The following GRIN2A variants were observed in gnomAD, a reference collection of about 807,000 sequenced individuals.
The protein encoded by GRIN2A is glutamate ionotropic receptor NMDA type subunit 2A.
A neutral mutation model predicts 113.4 loss-of-function variants in GRIN2A; 22 were observed. The observed-to-expected ratio is 0.19, with a 90% CI of 0.14 to 0.28. The LOEUF (loss-of-function observed/expected upper bound fraction) is 0.28. GRIN2A is among the 10% of genes least tolerant of loss of function. The pLI is 1.00. For synonymous variants in GRIN2A, 827 were observed against 738.4 expected, an observed-to-expected ratio of 1.12 and a Z score of -1.94; for missense variants, 1,502 against 1,887.0, an observed-to-expected ratio of 0.80 and a Z score of 3.78.
intron 11 of GRIN2A, among the ~76,000 whole-genome samples, chr16:9,792,774 A>G (rs1902695456): frequency 1.3e-5 from 2 of 152,206 alleles, no homozygotes. Flanking sequence ...TACAAAGAAG[A>G]AGATTAAACG....
At chr16:10,031,161 T>A (rs545898291) in intron 2 of GRIN2A, among the ~76,000 whole-genome samples, 3 of 152,138 alleles carry the variant, frequency 2.0e-5, no homozygotes, top group Non-Finnish European at 4.4e-5. Context: ...CTAAATAAAA[T>A]ACGTAAATCC....
intron 3 of GRIN2A, among the ~76,000 whole-genome samples, chr16:9,929,652 T>G (rs962851401): frequency 3.3e-5 from 5 of 152,116 alleles, no homozygotes; most frequent in African/African-American, 9.7e-5. Context: ...ATCAGAGTAA[T>G]AGAGATGGGG....
At chr16:9,805,106 C>A (rs2041940733) in intron 10 of GRIN2A, among the ~76,000 whole-genome samples, 2 of 152,062 alleles carry the variant, frequency 1.3e-5, no homozygotes, top group African/African-American at 4.8e-5. Context: ...CCAATCCTAG[C>A]CCCAAGACTG....
At chr16:10,017,575 A>G (rs1698992214) in intron 2 of GRIN2A, among the ~76,000 whole-genome samples, 1 of 152,162 alleles carries the variant, frequency 6.6e-6, no homozygotes, top group African/African-American at 2.4e-5. Context: ...AACAGTTCCC[A>G]GCTATTGTGA....
intron 2 of GRIN2A, among the ~76,000 whole-genome samples, chr16:10,069,413 G>C (rs1422583100): frequency 6.6e-6 from 1 of 152,206 alleles, no homozygotes; most frequent in African/African-American, 2.4e-5. Flanking sequence ...CACGATTTGA[G>C]GTTGCTGAGA....
chr16:9,973,292 T>A (rs2045709689), intron 2 of GRIN2A, among the ~76,000 whole-genome samples: 1 of 152,196 alleles, frequency 6.6e-6, no homozygotes, highest in Non-Finnish European at 1.5e-5. Context: ...AAAGGGCTAA[T>A]ATCTCTTTGT....
rs200232428 is a variant in GRIN2A at position 10,101,575 on chromosome 16, GT to G, written c.414+78422del. Among the ~76,000 whole-genome samples, 396 of 151,964 alleles carry G rather than the reference GT, an allele frequency of 2.6e-3. 2 individuals are homozygous for G. The highest frequency in any genetic ancestry group is 9.3e-3 in the African/African-American group (386 of 41,420). On this transcript the variant is annotated intron_variant, in intron 2 of 12. Transcript: ENST00000330684. ...GGCCAGAATCCCTGGGGTCATTTAG[GT>G]GGTGATGTTGCCAGTTCTTCTCCCC...
At chr16:10,003,065 C>T (rs2046348093) in intron 2 of GRIN2A, among the ~76,000 whole-genome samples, 1 of 152,194 alleles carries the variant, frequency 6.6e-6, no homozygotes, top group Non-Finnish European at 1.5e-5. Flanking sequence ...GACAGTAGAA[C>T]TCAAACTAGC....
At chr16:9,852,122 G>C (rs1290784324) in intron 4 of GRIN2A, among the ~76,000 whole-genome samples, 5 of 152,124 alleles carry the variant, frequency 3.3e-5, no homozygotes, top group Non-Finnish European at 7.3e-5. Context: ...AACTCTACAT[G>C]GTAAGCATTA....
At chr16:9,911,478 G>A (rs1170401346) in intron 3 of GRIN2A, among the ~76,000 whole-genome samples, 6 of 152,126 alleles carry the variant, frequency 3.9e-5, no homozygotes, top group African/African-American at 7.2e-5. Flanking sequence ...TTAACTATCC[G>A]TAGCCTGTTT....
intron 10 of GRIN2A, among the ~76,000 whole-genome samples, chr16:9,810,173 G>C (rs1371830192): frequency 6.6e-6 from 1 of 152,204 alleles, no homozygotes; most frequent in Non-Finnish European, 1.5e-5. Context: ...ATTACCACCT[G>C]ATGGTGGGAG....
chr16:9,821,710 C>T (rs1029060592), intron 10 of GRIN2A, among the ~76,000 whole-genome samples: 8 of 152,288 alleles, frequency 5.3e-5, no homozygotes, highest in East Asian at 1.9e-4. Context: ...CTTTTCTTTA[C>T]ATCTTCAGCT....
At chr16:10,087,265 T>C (rs1274348974) in intron 2 of GRIN2A, among the ~76,000 whole-genome samples, 2 of 152,230 alleles carry the variant, frequency 1.3e-5, no homozygotes, top group East Asian at 3.8e-4. Flanking sequence ...TGTAATAGAT[T>C]ATGTTATTGT....
At chr16:9,800,561 T>G (rs1011524049) in intron 10 of GRIN2A, among the ~76,000 whole-genome samples, 2 of 152,176 alleles carry the variant, frequency 1.3e-5, no homozygotes, top group African/African-American at 4.8e-5. Flanking sequence ...AACAAAACTA[T>G]TTGGCAGGTT....
At chr16:10,164,544 A>G (rs1296986174) in intron 2 of GRIN2A, among the ~76,000 whole-genome samples, 2 of 152,248 alleles carry the variant, frequency 1.3e-5, no homozygotes, top group Non-Finnish European at 2.9e-5. Flanking sequence ...GGGGTCCCAC[A>G]GAATGATTTT....
intron 2 of GRIN2A, among the ~76,000 whole-genome samples, chr16:10,038,462 T>A (rs1938552232): frequency 6.6e-6 from 1 of 152,000 alleles, no homozygotes; most frequent in Non-Finnish European, 1.5e-5. Flanking sequence ...CTGCACACAC[T>A]GTAGGTTATT....
At chr16:9,890,265 T>C (rs2043668021) in intron 4 of GRIN2A, among the ~76,000 whole-genome samples, 1 of 152,158 alleles carries the variant, frequency 6.6e-6, no homozygotes, top group South Asian at 2.1e-4. Flanking sequence ...TTATACGAAA[T>C]TGTAGCGACT....
At chr16:10,025,046 G>A (rs1206363701) in intron 2 of GRIN2A, among the ~76,000 whole-genome samples, 1 of 152,114 alleles carries the variant, frequency 6.6e-6, no homozygotes, top group East Asian at 1.9e-4. Context: ...AGGGAAGAGA[G>A]GATGATGGAG....
intron 12 of GRIN2A, among the ~76,000 whole-genome samples, chr16:9,767,977 C>T (rs1901022185): frequency 6.6e-6 from 1 of 152,246 alleles, no homozygotes; most frequent in Admixed American, 6.5e-5. Context: ...TAGTGTTATA[C>T]AGCATACCTG....
Sources: allele counts gnomAD v4.1 joint callset (sites outside exome capture counted in the v4.1 genomes callset), GRCh38; gene constraint gnomAD v4.1.1; transcripts MANE v1.5; gene names NCBI Gene and HGNC (gene_info 2026-07-23, HGNC 2026-07-21).